RBM47: variants seen among roughly 807,000 people sequenced by gnomAD.
RBM47 encodes the protein RNA binding motif protein 47.
In RBM47, 21 loss-of-function variants were observed where a neutral mutation model predicts 47.1. The observed-to-expected ratio is 0.45, with a 90% CI of 0.32 to 0.64. The LOEUF is 0.64. Among genes scored for constraint, RBM47 ranks in the 30% least tolerant of loss-of-function variants. The pLI, the probability that RBM47 is intolerant of heterozygous loss-of-function variation, is 0.05. For synonymous variants in RBM47, 375 were observed against 361.7 expected (o/e 1.04, Z -0.42); for missense variants, 708 against 870.9 (o/e 0.81, Z 2.35).
chr4:40,502,783 C>T (rs1035263424), intron 2 of RBM47, among the ~76,000 whole-genome samples: 3 of 152,012 alleles, frequency 2.0e-5, no homozygotes, highest in Admixed American at 2.0e-4. Flanking sequence ...GAGGTTGAGG[C>T]TGCAGTGAGC....
At chr4:40,456,799 C>T (rs1048467255) in intron 3 of RBM47, among the ~76,000 whole-genome samples, 10 of 151,712 alleles carry the variant, frequency 6.6e-5, no homozygotes, top group East Asian at 2.0e-4. Context: ...GGTCTCACCA[C>T]GTTGCCTAAA....
chr4:40,604,414 C>T (rs1435286065), intron 1 of RBM47, among the ~76,000 whole-genome samples: 1 of 152,128 alleles, frequency 6.6e-6, no homozygotes, highest in African/African-American at 2.4e-5. Flanking sequence ...CCCTTGAAGC[C>T]AGGAGTTTAA....
At chr4:40,431,502 C>CA (rs1293545003) in intron 6 of RBM47, among the ~76,000 whole-genome samples, 3 of 151,772 alleles carry the variant, frequency 2.0e-5, no homozygotes, top group South Asian at 2.1e-4. Flanking sequence ...ACTAAAAATA[C>CA]AAAAAATTAG....
In RBM47 at chr4:40,522,190, C is replaced by G. The variant is rs530707198; in HGVS notation, c.-155+22232G>C. Among the ~76,000 whole-genome samples the G allele has an allele frequency of 2.4e-4, 37 of 152,180 alleles. No individual in the cohort carries two copies. The Middle Eastern group carries it at 0.01, about 42-fold the overall frequency. On this transcript the variant is annotated intron_variant, in intron 2 of 6. Coordinates refer to ENST00000295971, the MANE Select transcript of RBM47 (RefSeq NM_001098634.2). ...AATTTCCTTTTTATGGTTTCAGATT[C>G]TGCTGCAACTAACCTTTAAGAAACT...
intron 2 of RBM47, among the ~76,000 whole-genome samples, chr4:40,477,683 C>T (rs1472283452): frequency 6.6e-6 from 1 of 152,240 alleles, no homozygotes; most frequent in East Asian, 1.9e-4. Flanking sequence ...AATAAACCAT[C>T]TCAGGATGAT....
chr4:40,558,111 A>C (rs1287730446), intron 1 of RBM47, among the ~76,000 whole-genome samples: 1 of 152,172 alleles, frequency 6.6e-6, no homozygotes, highest in Non-Finnish European at 1.5e-5. Flanking sequence ...TTTGTGCTCA[A>C]AACAGATATT....
intron 3 of RBM47, among the ~76,000 whole-genome samples, chr4:40,456,680 C>A (rs1239889284): frequency 6.6e-6 from 1 of 151,372 alleles, no homozygotes; most frequent in Non-Finnish European, 1.5e-5. Flanking sequence ...ATCCTCCTAC[C>A]TCGACCTCTC....
intron 1 of RBM47, among the ~76,000 whole-genome samples, chr4:40,595,861 C>T (rs1734703736): frequency 6.6e-6 from 1 of 151,272 alleles, no homozygotes; most frequent in African/African-American, 2.4e-5. Context: ...GCTGAGATCT[C>T]ATCACTGTTC....
intron 2 of RBM47, among the ~76,000 whole-genome samples, chr4:40,492,237 G>C (rs1331818461): frequency 6.6e-6 from 1 of 152,072 alleles, no homozygotes; most frequent in African/African-American, 2.4e-5. Flanking sequence ...AGGCCTGGGG[G>C]TATGCGCCTG....
At chr4:40,579,213 G>A (rs1732635718) in intron 1 of RBM47, among the ~76,000 whole-genome samples, 1 of 151,652 alleles carries the variant, frequency 6.6e-6, no homozygotes, top group Non-Finnish European at 1.5e-5. Flanking sequence ...ACGAGGTCAG[G>A]AGACTGAGAC....
chr4:40,558,183 T>C (rs1052959805), intron 1 of RBM47, among the ~76,000 whole-genome samples: 1 of 152,214 alleles, frequency 6.6e-6, no homozygotes, highest in African/African-American at 2.4e-5. Context: ...GACTCACAGT[T>C]TGTATAAGTT....
At chr4:40,471,321 G>A (rs750386016) in intron 2 of RBM47, among the ~76,000 whole-genome samples, 4 of 152,128 alleles carry the variant, frequency 2.6e-5, no homozygotes, top group Non-Finnish European at 5.9e-5. Flanking sequence ...TTCTACAGTA[G>A]ACTCCCAGCT....
chr4:40,450,806 T>C (rs1004178458), intron 3 of RBM47, among the ~76,000 whole-genome samples: 3 of 152,032 alleles, frequency 2.0e-5, no homozygotes, highest in Non-Finnish European at 4.4e-5. Context: ...ACCCACTAGA[T>C]GCAAAAGCCC....
intron 1 of RBM47, among the ~76,000 whole-genome samples, chr4:40,629,157 G>A (rs1355290138): frequency 1.3e-5 from 2 of 152,022 alleles, no homozygotes; most frequent in Non-Finnish European, 2.9e-5. Context: ...ATCACTACAG[G>A]AAACACGATG....
At chr4:40,429,965 A>C (rs1040992427) in intron 6 of RBM47, among the ~76,000 whole-genome samples, 4 of 151,792 alleles carry the variant, frequency 2.6e-5, no homozygotes, top group Non-Finnish European at 4.4e-5. Flanking sequence ...GAGGCTGAGG[A>C]GGGCGGATCA....
At chr4:40,535,371 C>CTTT (rs1177127352) in intron 2 of RBM47, among the ~76,000 whole-genome samples, 24 of 103,434 alleles carry the variant, frequency 2.3e-4, no homozygotes, top group African/African-American at 8.7e-4. Flanking sequence ...TATGGTATTT[C>CTTT]TTTTTTTTTT....
intron 1 of RBM47, among the ~76,000 whole-genome samples, chr4:40,587,079 G>A (rs1298076767): frequency 6.6e-6 from 1 of 152,162 alleles, no homozygotes; most frequent in Non-Finnish European, 1.5e-5. Context: ...ACAGGCAAAG[G>A]GCTGGAAGAG....
chr4:40,499,387 G>C (rs973143012), intron 2 of RBM47, among the ~76,000 whole-genome samples: 1 of 152,120 alleles, frequency 6.6e-6, no homozygotes, highest in African/African-American at 2.4e-5. Context: ...ATTTCAATTT[G>C]TTATTAGAAT....
intron 1 of RBM47, among the ~76,000 whole-genome samples, chr4:40,548,686 G>A (rs930336952): frequency 6.6e-6 from 1 of 151,026 alleles, no homozygotes; most frequent in Admixed American, 6.6e-5. Context: ...TTTTTTTTGA[G>A]ACAGAGTTTT....
Sources: allele counts gnomAD v4.1 joint callset (sites outside exome capture counted in the v4.1 genomes callset), GRCh38; gene constraint gnomAD v4.1.1; transcripts MANE v1.5; gene names NCBI Gene and HGNC (gene_info 2026-07-23, HGNC 2026-07-21).